Variants in GRM7 observed in about 807,000 individuals in gnomAD.
The protein encoded by GRM7 is glutamate metabotropic receptor 7, also known as metabotropic glutamate receptor 7.
A neutral mutation model predicts 84.5 loss-of-function variants in GRM7; 35 were observed. The ratio of observed to expected loss-of-function variants is 0.41; its 90% CI spans 0.32 to 0.55. GRM7 has a LOEUF of 0.55. Among genes scored for constraint, GRM7 ranks in the 20% least tolerant of loss-of-function variants. The pLI is 0.19. For synonymous variants in GRM7, 487 were observed against 455.1 expected (o/e 1.07, Z -0.89); for missense variants, 1,003 against 1,194.6 (o/e 0.84, Z 2.36).
Position 7,452,639 on chromosome 3 carries a change from G to A in GRM7, c.1207G>A (p.Glu403Lys), listed in dbSNP as rs1303860513. 1.2e-6 allele frequency: 2 copies of A among 1,612,578 alleles called. No homozygotes were observed. Among genetic ancestry groups the A allele is most frequent in the Non-Finnish European group, 1.7e-6 (2 of 1,178,852 alleles). ...GAGAATTGGAAAAGATTCCAACTAT[G>A]AGCAGGAGGGTAAAGTCCAGTTCGT... ...QERIGKDSNY[E>K]QEGKVQFVID... The change falls in exon 6 of 10, where the codon GAG becomes AAG. Residue 403 changes from glutamate (E) to lysine (K), a missense_variant. Transcript: ENST00000357716.
chr3:6,916,387 A>G (rs533087459), intron 1 of GRM7, among the ~76,000 whole-genome samples: 6 of 152,340 alleles, frequency 3.9e-5, no homozygotes, highest in African/African-American at 1.4e-4. Flanking sequence ...TCTAAGTGCT[A>G]TTTGAACTGA....
At chr3:6,873,109 T>C (rs1344794115) in intron 1 of GRM7, among the ~76,000 whole-genome samples, 7 of 152,198 alleles carry the variant, frequency 4.6e-5, no homozygotes, top group Non-Finnish European at 2.9e-5. Context: ...AGTCTTGCTC[T>C]GTCACGCCCT....
chr3:6,959,657 A>G (rs575588090), intron 1 of GRM7, among the ~76,000 whole-genome samples: 1 of 152,292 alleles, frequency 6.6e-6, no homozygotes, highest in East Asian at 1.9e-4. Context: ...AAGCACATAT[A>G]TCCCTCAAAT....
intron 1 of GRM7, among the ~76,000 whole-genome samples, chr3:6,939,259 G>T (rs1697804434): frequency 6.6e-6 from 1 of 152,044 alleles, no homozygotes; most frequent in Admixed American, 6.6e-5. Flanking sequence ...ATATCCAGTT[G>T]TACTCCCTCC....
At chr3:7,382,272 T>C (rs911449992) in intron 4 of GRM7, among the ~76,000 whole-genome samples, 11 of 152,190 alleles carry the variant, frequency 7.2e-5, no homozygotes. Flanking sequence ...GCCTTTAGAT[T>C]ATCAGAGATT....
Position 7,088,705 on chromosome 3 carries a change from A to C in GRM7, c.520-57747A>C, listed in dbSNP as rs543495347. 1.1e-3 allele frequency among the ~76,000 whole-genome samples: 51 copies of C among 46,142 alleles called. 1 individual carries two copies. In the East Asian group the frequency reaches 0.011, roughly 10 times the overall value. 30.3% of individuals were successfully genotyped at this position (46,142 alleles called of 152,430 possible). A position where few individuals can be genotyped will look rare whatever the true frequency, so the allele number is the denominator to read the frequency against. Reference sequence around the variant, plus strand: ...GGTTCACTGATTTCTTATTCATCGAAGCACCAGTGGTGCGAGTTGGAACGG... The same window carrying C: ...GGTTCACTGATTTCTTATTCATCGACGCACCAGTGGTGCGAGTTGGAACGG... On this transcript the variant is annotated intron_variant, in intron 1 of 9. Coordinates refer to ENST00000357716, the MANE Select transcript of GRM7 (RefSeq NM_000844.4).
intron 2 of GRM7, among the ~76,000 whole-genome samples, chr3:7,242,785 G>T (rs1204902406): frequency 6.6e-6 from 1 of 152,114 alleles, no homozygotes; most frequent in African/African-American, 2.4e-5. Context: ...AGAGCTGTGT[G>T]TTAAGTGTCT....
chr3:7,721,362 G>T (rs1701942013), intron 9 of GRM7, among the ~76,000 whole-genome samples: 1 of 152,208 alleles, frequency 6.6e-6, no homozygotes, highest in Non-Finnish European at 1.5e-5. Flanking sequence ...GGGATTCTCA[G>T]TGATAACTGC....
intron 1 of GRM7, among the ~76,000 whole-genome samples, chr3:7,113,947 G>C (rs926798695): frequency 6.6e-6 from 1 of 152,180 alleles, no homozygotes; most frequent in Admixed American, 6.5e-5. Flanking sequence ...GATTAAGTAA[G>C]TTTTCAAAGA....
At chr3:7,037,384 T>C (rs1201424113) in intron 1 of GRM7, among the ~76,000 whole-genome samples, 1 of 152,354 alleles carries the variant, frequency 6.6e-6, no homozygotes, top group African/African-American at 2.4e-5. Flanking sequence ...TATCACTTAC[T>C]AGCAGTATAC....
chr3:7,731,642 G>A (rs1423455966), intron 9 of GRM7, among the ~76,000 whole-genome samples: 1 of 152,192 alleles, frequency 6.6e-6, no homozygotes. Context: ...AGAGGAGGCT[G>A]AGTCCTGCTA....
intron 1 of GRM7, among the ~76,000 whole-genome samples, chr3:7,086,878 G>T (rs1698475389): frequency 6.6e-6 from 1 of 152,210 alleles, no homozygotes; most frequent in South Asian, 2.1e-4. Context: ...CTCTCTGGCT[G>T]TTGGCTATAG....
At chr3:6,949,954 C>T (rs149397829) in intron 1 of GRM7, among the ~76,000 whole-genome samples, 18,385 of 152,164 alleles carry the variant, frequency 0.12, 1,289 homozygotes, top group East Asian at 0.33. Context: ...GTTATCCATT[C>T]GTCTAATTTT....
At chr3:7,673,435 CAA>C (rs1232454827) in intron 8 of GRM7, among the ~76,000 whole-genome samples, 1 of 148,536 alleles carries the variant, frequency 6.7e-6, no homozygotes, top group Admixed American at 6.8e-5. Context: ...CCTTGCCATT[CAA>C]AAGTTTCCCA....
At chr3:7,304,523 A>C (rs1008420817) in intron 3 of GRM7, among the ~76,000 whole-genome samples, 5 of 151,838 alleles carry the variant, frequency 3.3e-5, no homozygotes, top group African/African-American at 1.2e-4. Flanking sequence ...TATTTATTAA[A>C]AATAATATTT....
chr3:7,352,934 G>A (rs534075095), intron 4 of GRM7, among the ~76,000 whole-genome samples: 48 of 152,166 alleles, frequency 3.2e-4, no homozygotes, highest in Non-Finnish European at 5.3e-4. Context: ...AGACACCCTG[G>A]AGGGCTGAGA....
chr3:7,593,320 T>C (rs985861276), intron 8 of GRM7, among the ~76,000 whole-genome samples: 8 of 152,282 alleles, frequency 5.3e-5, no homozygotes, highest in Admixed American at 3.9e-4. Context: ...GTTTCAAACA[T>C]TTATTGATTC....
chr3:7,546,889 G>A (rs1293268497), intron 7 of GRM7, among the ~76,000 whole-genome samples: 1 of 152,200 alleles, frequency 6.6e-6, no homozygotes, highest in Non-Finnish European at 1.5e-5. Context: ...CGATGTTAGA[G>A]TAACTTAATA....
At chr3:7,504,356 C>G (rs9828691) in intron 7 of GRM7, among the ~76,000 whole-genome samples, 15,910 of 152,186 alleles carry the variant, frequency 0.1, 936 homozygotes, top group Non-Finnish European at 0.12. Context: ...AATCAGCTGC[C>G]TCCTTCTCTT....
Sources: allele counts gnomAD v4.1 joint callset (sites outside exome capture counted in the v4.1 genomes callset), GRCh38; gene constraint gnomAD v4.1.1; transcripts MANE v1.5; gene names NCBI Gene and HGNC (gene_info 2026-07-23, HGNC 2026-07-21).